COPB1: variants seen among roughly 807,000 people sequenced by gnomAD.
COPB1 encodes the protein coat protein complex I subunit beta 1, also known as coatomer subunit beta.
COPB1 carries 21 observed loss-of-function variants against 108.7 expected under a neutral mutation model. That is an observed-to-expected ratio of 0.19 (90% CI 0.14 to 0.28). The LOEUF (loss-of-function observed/expected upper bound fraction) is 0.28, where lower values mean the gene tolerates loss of function less well. COPB1 is among the 10% of genes least tolerant of loss of function. The pLI is 1.00. For missense variants in COPB1, 919 were observed against 1,141.3 expected (o/e 0.81, Z 2.81); for synonymous variants, 378 against 386.8 (o/e 0.98, Z 0.27).
chr11:14,469,303 A>G (rs1850354358), intron 15 of COPB1, 33 bp downstream of exon 15: 1 of 1,570,304 alleles, frequency 6.4e-7, no homozygotes, highest in Non-Finnish European at 8.8e-7. Context: ...AGAGACACAA[A>G]ACACTTTTGT....
chr11:14,458,420 T>G, intron 21 of COPB1, 112 bp downstream of exon 21: 1 of 958,222 alleles, frequency 1.0e-6, no homozygotes, highest in Non-Finnish European at 1.5e-6. Flanking sequence ...TATTATTGTA[T>G]GTGTATATGC....
intron 14 of COPB1, among the ~76,000 whole-genome samples, chr11:14,473,009 C>T (rs938033368): frequency 2.6e-5 from 4 of 152,068 alleles, no homozygotes; most frequent in Admixed American, 6.6e-5. Flanking sequence ...GAGTCTTGTT[C>T]TGTCTCCCAG....
chr11:14,493,173 T>TCAAAAACAAA (rs1850946234), intron 4 of COPB1, among the ~76,000 whole-genome samples: 1 of 152,014 alleles, frequency 6.6e-6, no homozygotes, highest in African/African-American at 2.4e-5. Flanking sequence ...AAATAAAAAT[T>TCAAAAACAAA]CAAAATCTTC....
At position 14,487,000 on chromosome 11, in the gene COPB1, G is replaced by C. The variant is rs533694538; in HGVS notation, c.700-496C>G. On this transcript the variant is annotated intron_variant, in intron 6 of 21. Transcript: ENST00000439561. ...TATTCTGGATGCCAAAGGGAAACAT[G>C]ACGGATGATATAAATCTCAATAGCT... is the stretch of plus-strand genomic sequence containing the variant. Among the ~76,000 whole-genome samples, 5 of 152,236 alleles carry C rather than the reference G, an allele frequency of 3.3e-5. No individual in the cohort carries two copies. The East Asian group carries it at 9.6e-4, about 29-fold the overall frequency.
intron 18 of COPB1, among the ~76,000 whole-genome samples, chr11:14,463,767 T>C (rs138724124): frequency 3.9e-5 from 6 of 152,222 alleles, no homozygotes; most frequent in Non-Finnish European, 5.9e-5. Context: ...TTTCCTGTTA[T>C]GATGATGACA....
intron 7 of COPB1, among the ~76,000 whole-genome samples, chr11:14,483,484 T>G (rs1850706545): frequency 6.6e-6 from 1 of 152,012 alleles, no homozygotes; most frequent in Non-Finnish European, 1.5e-5. Flanking sequence ...GCCAGAAAAA[T>G]GCAGGAAAAG....
intron 19 of COPB1, 56 bp from the exon 20 acceptor site, chr11:14,460,353 T>C (rs901109843): frequency 2.1e-4 from 229 of 1,104,934 alleles, no homozygotes; most frequent in Middle Eastern, 7.6e-4. Flanking sequence ...GAGAAAGCTG[T>C]GAATCACCAG....
intron 7 of COPB1, among the ~76,000 whole-genome samples, chr11:14,483,656 T>A (rs1264297972): frequency 6.6e-6 from 1 of 152,088 alleles, no homozygotes; most frequent in Non-Finnish European, 1.5e-5. Flanking sequence ...ATGTGTAAAG[T>A]ATTTTAGAAT....
chr11:14,493,559 C>A (rs1423908652), intron 4 of COPB1, 83 bp downstream of exon 4: 1 of 1,187,184 alleles, frequency 8.4e-7, no homozygotes, highest in East Asian at 2.6e-5. Context: ...TATATTCAGT[C>A]TGCAAGCAAC....
intron 7 of COPB1, among the ~76,000 whole-genome samples, chr11:14,485,811 C>T (rs560722953): frequency 6.6e-6 from 1 of 152,226 alleles, no homozygotes; most frequent in African/African-American, 2.4e-5. Context: ...TTGCCTCACT[C>T]CAGCCTGGGT....
chr11:14,482,724 C>A lies in COPB1; in HGVS notation c.957+308G>T, dbSNP rs545236854. On this transcript the variant is annotated intron_variant, in intron 8 of 21. Transcript: ENST00000439561. ...TAATTTTTGTTATTTTTAGTATAGA[C>A]AGGGTTTTACCATGTTGGCCAGGCT... Among the ~76,000 whole-genome samples, 3 of 152,198 alleles carry A rather than the reference C, an allele frequency of 2.0e-5. No homozygotes were observed. In the East Asian group the frequency reaches 5.8e-4, roughly 29 times the overall value.
chr11:14,470,944 A>ACACACACACACACACT (rs1285522756), intron 14 of COPB1, among the ~76,000 whole-genome samples: 10 of 90,202 alleles, frequency 1.1e-4, no homozygotes, highest in African/African-American at 5.2e-4. Flanking sequence ...ACACACACAC[A>ACACACACACACACACT]CTCTCTCTCT....
At chr11:14,475,258 T>G (rs1399411166) in intron 13 of COPB1, among the ~76,000 whole-genome samples, 1 of 152,186 alleles carries the variant, frequency 6.6e-6, no homozygotes, top group Non-Finnish European at 1.5e-5. Flanking sequence ...AAGCCTCAAA[T>G]TCTTCTTCCA....
Position 14,479,583 on chromosome 11 carries a change from A to G in COPB1, c.1344T>C (p.Ala448=), listed in dbSNP as rs1180509667. The G allele has an allele frequency of 1.6e-5, 25 of 1,607,548 alleles. No homozygotes were observed. The highest frequency in any genetic ancestry group is 2.0e-5 in the Non-Finnish European group (24 of 1,177,908). Residue 448 remains alanine, a synonymous_variant, in exon 11 of 22, where the codon GCT becomes GCC. Transcript: ENST00000439561. The part of the protein sequence containing the change: ...IVEKMLEVFH[A]IKSVKIYRGA... Reference sequence around the variant, plus strand: ...TTTAAACCTACTTGACAGATTTAATAGCATGAAAGACTTCAAGCATCTTCT... The same window carrying G: ...TTTAAACCTACTTGACAGATTTAATGGCATGAAAGACTTCAAGCATCTTCT...
intron 4 of COPB1, among the ~76,000 whole-genome samples, chr11:14,492,448 ATTC>A (rs1850924053): frequency 6.6e-6 from 1 of 152,072 alleles, no homozygotes; most frequent in African/African-American, 2.4e-5. Context: ...GGTTCGAGCA[ATTC>A]TTCTGCTTCA....
chr11:14,498,711 G>T, intron 2 of COPB1, 127 bp downstream of exon 2: 2 of 676,100 alleles, frequency 3.0e-6, no homozygotes, highest in Non-Finnish European at 4.7e-6. Context: ...AAGGTCTATC[G>T]AAGAGATCCT....
chr11:14,475,816 T>C lies in COPB1; in HGVS notation c.1585A>G (p.Ser529Gly). The C allele has an allele frequency of 6.2e-7, 1 of 1,612,034 alleles. No individual in the cohort carries two copies. Among genetic ancestry groups the C allele is most frequent in the South Asian group, 1.1e-5 (1 of 90,726 alleles). The change falls in exon 13 of 22, where the codon AGT becomes GGT. Residue 529 changes from serine to glycine, a missense_variant. Transcript: ENST00000439561. ...GTYATQSALSSSRPTKKEEDR... is the reference protein window; with the variant it reads ...GTYATQSALSGSRPTKKEEDR... Reference sequence around the variant, plus strand: ...TCCTCTTTCTTGGTGGGTCTAGAACTGCTAAGGGCACTCTGAGTTGCATAG... The same window carrying C: ...TCCTCTTTCTTGGTGGGTCTAGAACCGCTAAGGGCACTCTGAGTTGCATAG...
At chr11:14,475,093 CAAAAAAAAAAAA>C (rs146181255) in intron 13 of COPB1, among the ~76,000 whole-genome samples, 2 of 71,540 alleles carry the variant, frequency 2.8e-5, no homozygotes, top group African/African-American at 1.2e-4. Flanking sequence ...GACTCTGTGT[CAAAAAAAAAAAA>C]AAAAAAAAAA....
At chr11:14,486,081 G>A (rs1026409162) in intron 7 of COPB1, among the ~76,000 whole-genome samples, 4 of 152,092 alleles carry the variant, frequency 2.6e-5, no homozygotes, top group African/African-American at 9.7e-5. Flanking sequence ...GAGTAGCAGA[G>A]GTAGAAAAAA....
Sources: allele counts gnomAD v4.1 joint callset (sites outside exome capture counted in the v4.1 genomes callset), GRCh38; gene constraint gnomAD v4.1.1; transcripts MANE v1.5; gene names NCBI Gene and HGNC (gene_info 2026-07-23, HGNC 2026-07-21).